UHMK1: variants seen among roughly 807,000 people sequenced by gnomAD.
UHMK1 encodes U2AF homology motif kinase 1, also known as serine/threonine-protein kinase Kist.
Under a neutral mutation model 44.0 loss-of-function variants are expected in UHMK1, and 18 were observed. The ratio of observed to expected loss-of-function variants is 0.41; its 90% CI spans 0.28 to 0.61. The LOEUF is 0.61. UHMK1 is among the 20% of genes least tolerant of loss of function. UHMK1 has a pLI of 0.31. For missense variants in UHMK1, 463 were observed against 522.5 expected (o/e 0.89, Z 1.11); for synonymous variants, 231 against 198.5 (o/e 1.16, Z -1.38).
At chr1:162,498,825 T>G (rs988549190) in intron 1 of UHMK1, among the ~76,000 whole-genome samples, 1 of 152,268 alleles carries the variant, frequency 6.6e-6, no homozygotes, top group African/African-American at 2.4e-5. Flanking sequence ...ATGTAAGATA[T>G]GTAATGATCA....
chr1:162,512,932 C>T (rs1435121961), intron 6 of UHMK1, 109 bp downstream of exon 6: 9 of 1,087,660 alleles, frequency 8.3e-6, no homozygotes, highest in Non-Finnish European at 1.2e-5. Flanking sequence ...GAATATTGAA[C>T]AATATGATCT....
chr1:162,515,780 A>G (rs1012312133), intron 6 of UHMK1, among the ~76,000 whole-genome samples: 1 of 151,580 alleles, frequency 6.6e-6, no homozygotes, highest in African/African-American at 2.4e-5. Flanking sequence ...CATGCCTGTA[A>G]TCCTAGCATT....
Position 162,503,783 on chromosome 1 carries a change from A to G in UHMK1, c.783A>G (p.Ile261Met), listed in dbSNP as rs1488214659. 6.2e-7 allele frequency: 1 copy of G among 1,614,120 alleles called. No homozygotes were observed. Among genetic ancestry groups the G allele is most frequent in the Admixed American group, 1.7e-5 (1 of 60,026 alleles). Residue 261 changes from isoleucine to methionine, a missense_variant, in exon 4 of 8, where the codon ATA becomes ATG. By Grantham distance (10) the Ile-to-Met change is conservative (BLOSUM62 1). This residue lies in a region of UHMK1 where 264 missense variants were observed against 326.3 expected (regional missense o/e 0.81). Coordinates refer to ENST00000489294, the MANE Select transcript of UHMK1 (RefSeq NM_175866.5). Reference protein sequence around the residue: ...KANSSAIIDHIFASKAVVNAA... With the variant: ...KANSSAIIDHMFASKAVVNAA... ...ACAGTTCTGCTATTATTGATCACAT[A>G]TTTGCCAGTAAAGCAGTGGTGAATG...
intron 6 of UHMK1, among the ~76,000 whole-genome samples, chr1:162,515,894 C>T (rs996322060): frequency 3.3e-5 from 5 of 151,964 alleles, no homozygotes; most frequent in African/African-American, 4.8e-5. Flanking sequence ...ATTAGCCGGG[C>T]GTGGTGGCGG....
Position 162,527,020 on chromosome 1 carries a change from C to G in UHMK1, c.*4470C>G, listed in dbSNP as rs1004659767. 6.6e-6 allele frequency: 1 copy of G among 152,072 alleles called. No homozygotes were observed. Among genetic ancestry groups the G allele is most frequent in the Non-Finnish European group, 1.5e-5 (1 of 67,942 alleles). The allele number at this position is 152,072 out of a possible 1,614,324, so 9.4% of individuals were successfully genotyped here. A position where few individuals can be genotyped will look rare whatever the true frequency, so the allele number is the denominator to read the frequency against. On this transcript the variant is annotated 3_prime_UTR_variant, in exon 8 of 8. Transcript: ENST00000489294. ...TAGTTTTTCAAGTTAGTATTACTTA[C>G]TAGCTTTCTTGATGAATATAAAAAT...
intron 4 of UHMK1, among the ~76,000 whole-genome samples, chr1:162,509,074 C>T (rs1298477713): frequency 1.3e-5 from 2 of 152,200 alleles, no homozygotes; most frequent in African/African-American, 4.8e-5. Context: ...CGTGAGCCAC[C>T]ACGCACAGTC....
chr1:162,507,672 C>T (rs529549712), intron 4 of UHMK1, among the ~76,000 whole-genome samples: 15 of 151,002 alleles, frequency 9.9e-5, no homozygotes, highest in African/African-American at 2.9e-4. Flanking sequence ...CTGCAAGCTC[C>T]GCCTCCCGGG....
rs1652157324 is a variant in UHMK1 at position 162,524,103 on chromosome 1, T to A, written c.*1553T>A. 1 of 152,170 alleles carries A rather than the reference T, an allele frequency of 6.6e-6. No individual in the cohort carries two copies. Among genetic ancestry groups the A allele is most frequent in the Non-Finnish European group, 1.5e-5 (1 of 68,036 alleles). The allele number at this position is 152,170 out of a possible 1,614,324, so 9.4% of individuals were successfully genotyped here. ...CAGGTTATTAATTTTTTTATTTATT[T>A]ATTTTTTCCTAAGGAAAAAGTCTTC... On this transcript the variant is annotated 3_prime_UTR_variant, in exon 8 of 8. Transcript: ENST00000489294.
intron 4 of UHMK1, among the ~76,000 whole-genome samples, chr1:162,509,212 A>C (rs952742155): frequency 6.6e-6 from 1 of 152,116 alleles, no homozygotes; most frequent in Non-Finnish European, 1.5e-5. Flanking sequence ...AATATTCCCC[A>C]AAAAGTGGCT....
intron 2 of UHMK1, chr1:162,500,596 A>G (rs569775562): frequency 8.3e-5 from 34 of 407,618 alleles, no homozygotes; most frequent in African/African-American, 4.6e-4. Flanking sequence ...GGCAGAATGC[A>G]TATGATAGTT....
chr1:162,522,494 A>C lies in UHMK1; in HGVS notation c.1204A>C (p.Thr402Pro), dbSNP rs1218970736. 6.2e-7 allele frequency: 1 copy of C among 1,614,172 alleles called. No homozygotes were observed. Among genetic ancestry groups the C allele is most frequent in the East Asian group, 2.2e-5 (1 of 44,886 alleles). The change falls in exon 8 of 8, where the codon ACA (threonine) becomes CCA (proline). Residue 402 changes from threonine (T) to proline (P), a missense_variant. Physicochemically the swap from Thr to Pro is conservative, Grantham distance 38. This residue lies in a region of UHMK1 where 264 missense variants were observed against 326.3 expected (regional missense o/e 0.81). Transcript: ENST00000489294. ...RMFDGKFVVA[T>P]FYPLSAYKRG... The stretch of plus-strand genomic sequence containing the variant: ...GTTTGATGGGAAGTTTGTTGTGGCT[A>C]CATTCTACCCGCTGAGTGCCTACAA...
At chr1:162,510,245 T>C (rs1651620157) in intron 4 of UHMK1, among the ~76,000 whole-genome samples, 1 of 152,214 alleles carries the variant, frequency 6.6e-6, no homozygotes, top group African/African-American at 2.4e-5. Flanking sequence ...CCCTATGTTT[T>C]TCAAGAATCC....
At chr1:162,504,395 C>A (rs1189935745) in intron 4 of UHMK1, among the ~76,000 whole-genome samples, 1 of 152,062 alleles carries the variant, frequency 6.6e-6, no homozygotes, top group Admixed American at 6.6e-5. Context: ...GGTGATTTTG[C>A]CATGCTGACA....
chr1:162,516,894 T>C (rs998010998), intron 6 of UHMK1, among the ~76,000 whole-genome samples: 8 of 152,186 alleles, frequency 5.3e-5, no homozygotes, highest in Admixed American at 5.2e-4. Context: ...TTTTTGTACA[T>C]TACTAGAGAA....
chr1:162,507,471 C>A (rs982488494), intron 4 of UHMK1, among the ~76,000 whole-genome samples: 5 of 151,582 alleles, frequency 3.3e-5, no homozygotes, highest in African/African-American at 4.9e-5. Context: ...TTTTAAGAGA[C>A]GAGGTCCCAC....
At chr1:162,501,654 T>A (rs1043386991) in intron 3 of UHMK1, among the ~76,000 whole-genome samples, 1 of 152,208 alleles carries the variant, frequency 6.6e-6, no homozygotes, top group African/African-American at 2.4e-5. Context: ...AATGTTTGAA[T>A]GAATGCATTT....
Position 162,524,106 on chromosome 1 carries a change from T to C in UHMK1, c.*1556T>C, listed in dbSNP as rs1307348311. 1.3e-5 allele frequency: 2 copies of C among 152,160 alleles called. No homozygotes were observed. The highest frequency in any genetic ancestry group is 2.4e-5 in the African/African-American group (1 of 41,440). The allele number at this position is 152,160 out of a possible 1,614,324, so 9.4% of individuals were successfully genotyped here. A position where few individuals can be genotyped will look rare whatever the true frequency, so the allele number is the denominator to read the frequency against. On this transcript the variant is annotated 3_prime_UTR_variant, in exon 8 of 8. Transcript: ENST00000489294. ...GTTATTAATTTTTTTATTTATTTAT[T>C]TTTTCCTAAGGAAAAAGTCTTCTAT...
intron 4 of UHMK1, among the ~76,000 whole-genome samples, chr1:162,508,773 GT>G (rs35239541): frequency 0.048 from 7,141 of 147,364 alleles, 201 homozygotes; most frequent in East Asian, 0.15. Context: ...TCATTTTGCA[GT>G]TTTTTTTTTG....
intron 4 of UHMK1, among the ~76,000 whole-genome samples, chr1:162,505,831 T>A (rs1395729903): frequency 6.6e-6 from 1 of 152,208 alleles, no homozygotes; most frequent in South Asian, 2.1e-4. Context: ...AACCTTTAAG[T>A]TAGTTTTATT....
Sources: gnomAD v4.1 joint callset for allele counts (sites outside exome capture counted in the v4.1 genomes callset) on GRCh38, gnomAD v4.1.1 for gene constraint, gnomAD v4.1.1 regional missense constraint, MANE v1.5 for transcripts, NCBI Gene and HGNC (gene_info 2026-07-23, HGNC 2026-07-21) for gene names.